Variants in MYO1G observed in about 807,000 individuals in gnomAD.
The protein encoded by MYO1G is unconventional myosin-Ig.
MYO1G carries 65 observed loss-of-function variants against 115.3 expected under a neutral mutation model. The observed-to-expected ratio is 0.56, with a 90% CI of 0.46 to 0.69. MYO1G has a LOEUF of 0.69. Ranked by LOEUF, MYO1G falls within the 30% of genes least tolerant of loss-of-function variation. MYO1G has a pLI of 0.00. For synonymous variants in MYO1G, 510 were observed against 552.6 expected (o/e 0.92, Z 1.08); for missense variants, 1,204 against 1,393.5 (o/e 0.86, Z 2.16).
Position 44,970,671 on chromosome 7 carries a change from G to C in MYO1G, c.1138C>G (p.Arg380Gly), listed in dbSNP as rs200247779. The part of the protein sequence containing the change: ...RINSVMEPRG[R>G]DPRRDGKDTV... The stretch of plus-strand genomic sequence containing the variant: ...TCCTTGCCATCACGCCGAGGATCCC[G>C]GCCCCGGGGTTCCATGACACTGTTG... The change falls in exon 9 of 22, where the codon CGG becomes GGG. Residue 380 changes from arginine to glycine, a missense_variant. Transcript: ENST00000258787. 4.5e-5 allele frequency: 73 copies of C among 1,613,850 alleles called. No homozygotes were observed. Among genetic ancestry groups the C allele is most frequent in the Non-Finnish European group, 5.9e-5 (70 of 1,180,046 alleles).
chr7:44,977,668 T>G (rs1795082263), intron 1 of MYO1G, among the ~76,000 whole-genome samples: 1 of 152,052 alleles, frequency 6.6e-6, no homozygotes, highest in African/African-American at 2.4e-5. Context: ...TTCTTGACCC[T>G]TTCCTTCACA....
rs749976915 is a variant in MYO1G, at chr7:44,970,917, G to C, written c.989C>G (p.Thr330Arg). 2.0e-5 allele frequency: 33 copies of C among 1,613,396 alleles called. No individual in the cohort carries two copies. In the South Asian group the frequency reaches 3.5e-4, roughly 17 times the overall value. The change falls in exon 8 of 22, where the codon ACA becomes AGA. Residue 330 changes from threonine to arginine, a missense_variant. Physicochemically the swap from Thr to Arg is moderately conservative, Grantham distance 71. Coordinates refer to ENST00000258787, the MANE Select transcript of MYO1G (RefSeq NM_033054.3). ...DLVLRSLLAR[T>R]VASGGRELIE... ...GAGTTCCCTGCCTCCCGAGGCAACT[G>C]TGCGAGCCAGCAGGGAGCGGAGCAC...
intron 3 of MYO1G, 148 bp from the exon 4 acceptor site, chr7:44,975,797 G>A (rs533610250): frequency 4.3e-5 from 36 of 842,934 alleles, no homozygotes; most frequent in East Asian, 2.2e-4. Context: ...GCCTGGCCTC[G>A]CCCAGTGTTG....
chr7:44,975,062 TG>T, intron 5 of MYO1G, 111 bp downstream of exon 5: 1 of 1,121,802 alleles, frequency 8.9e-7, no homozygotes, highest in Non-Finnish European at 1.4e-6. Context: ...TGGGGTTGAG[TG>T]GGCAGAGAGG....
At position 44,964,819 on chromosome 7, in the gene MYO1G, G is replaced by T; in HGVS notation, c.2526+126C>A. 2.2e-6 allele frequency: 3 copies of T among 1,383,580 alleles called. No individual in the cohort carries two copies. Among genetic ancestry groups the T allele is most frequent in the Non-Finnish European group, 2.0e-6 (2 of 1,015,442 alleles). 85.7% of individuals were successfully genotyped at this position (1,383,580 alleles called of 1,614,324 possible). ...GCTCTGGTGGGGGCTGAGGTACAGG[G>T]CCACCAGGACAGACAACCCCAGGCC... On this transcript the variant is annotated intron_variant, in intron 18 of 21. Transcript: ENST00000258787. The surrounding 1 kb of genome is among the most constrained non-coding windows in gnomAD (Gnocchi z 5.1).
chr7:44,965,737 C>G lies in MYO1G; in HGVS notation c.2281G>C (p.Ala761Pro). ...CCGTAGAGTGGCGGCTGCCTTGCAG[C>G]CTGGAATCGCCGCTGCAGCTCAGCC... ...HLAELQRRFQ[A>P]ARQPPLYGRD... Residue 761 changes from alanine (A) to proline (P), a missense_variant, in exon 17 of 22, where the codon GCT becomes CCT. Physicochemically the swap from Ala to Pro is conservative, Grantham distance 27. Transcript: ENST00000258787. 6.2e-7 allele frequency: 1 copy of G among 1,610,698 alleles called. No individual in the cohort carries two copies. Among genetic ancestry groups the G allele is most frequent in the South Asian group, 1.1e-5 (1 of 91,028 alleles).
Position 44,962,717 on chromosome 7 carries a change from G to C in MYO1G, c.*22C>G, listed in dbSNP as rs904389359. The stretch of plus-strand genomic sequence containing the variant: ...GGCGGGGCGGACAATTGGCGGCCTC[G>C]GGGTGCGGCGGGTGCGGGCGCTCAG... On this transcript the variant is annotated 3_prime_UTR_variant, in exon 22 of 22. Coordinates refer to ENST00000258787, the MANE Select transcript of MYO1G (RefSeq NM_033054.3). The surrounding 1 kb of genome is among the most constrained non-coding windows in gnomAD (Gnocchi z 5.3). 3 of 1,451,752 alleles carry C rather than the reference G, an allele frequency of 2.1e-6. No individual in the cohort carries two copies. Among genetic ancestry groups the C allele is most frequent in the South Asian group, 1.4e-5 (1 of 70,354 alleles). The allele number at this position is 1,451,752 out of a possible 1,614,324, so 89.9% of individuals were successfully genotyped here.
At chr7:44,965,216 G>A (rs1028625452) in intron 17 of MYO1G, 127 bp from the exon 18 acceptor site, 50 of 1,354,986 alleles carry the variant, frequency 3.7e-5, no homozygotes, top group East Asian at 7.2e-5. Context: ...AACCTCTGCC[G>A]GCCTCTCTGG....
intron 3 of MYO1G, among the ~76,000 whole-genome samples, chr7:44,976,340 A>G (rs1190527248): frequency 1.3e-5 from 2 of 152,098 alleles, no homozygotes; most frequent in African/African-American, 4.8e-5. Flanking sequence ...TAGGCCCAGT[A>G]CCTTGGCTAG....
rs752061729 is a variant in MYO1G, at chr7:44,966,491, C to T, written c.1949+181G>A. ...TACCCATGTTCCCACCTGTATGTCC[C>T]CACATGCATGTGCTCACACACATGT... On this transcript the variant is annotated intron_variant, in intron 15 of 21. Transcript: ENST00000258787. This position sits in a 1 kb window ranked among gnomAD's most constrained non-coding sequence, Gnocchi z 5.0. 4.7e-6 allele frequency: 4 copies of T among 855,134 alleles called. No individual in the cohort carries two copies. The highest frequency in any genetic ancestry group is 5.7e-6 in the Non-Finnish European group (3 of 523,316). The allele number at this position is 855,134 out of a possible 1,614,324, so 53.0% of individuals were successfully genotyped here. A position where few individuals can be genotyped will look rare whatever the true frequency, so the allele number is the denominator to read the frequency against.
intron 3 of MYO1G, 125 bp from the exon 4 acceptor site, chr7:44,975,774 G>C: frequency 8.8e-7 from 1 of 1,137,280 alleles, no homozygotes; most frequent in Non-Finnish European, 1.2e-6. Flanking sequence ...AACTTGCTGA[G>C]AGGGAACCAA....
Position 44,969,293 on chromosome 7 carries a change from G to A in MYO1G, c.1574+120C>T. 1.2e-6 allele frequency: 1 copy of A among 848,510 alleles called. No individual in the cohort carries two copies. The highest frequency in any genetic ancestry group is 2.0e-6 in the Non-Finnish European group (1 of 492,218). The allele number at this position is 848,510 out of a possible 1,614,324, so 52.6% of individuals were successfully genotyped here. On this transcript the variant is annotated intron_variant, in intron 12 of 21. Transcript: ENST00000258787. This position sits in a 1 kb window ranked among gnomAD's most constrained non-coding sequence, Gnocchi z 5.0. ...TGTTTCAGTGTCTTAAAGGGGTGGG[G>A]GTGGCAGAAGTGGCCATAACACCTG...
chr7:44,963,019 C>G lies in MYO1G; in HGVS notation c.2851G>C (p.Asp951His). 1 of 1,532,558 alleles carries G rather than the reference C, an allele frequency of 6.5e-7. No individual in the cohort carries two copies. Among genetic ancestry groups the G allele is most frequent in the Non-Finnish European group, 8.7e-7 (1 of 1,144,146 alleles). 94.9% of individuals were successfully genotyped at this position (1,532,558 alleles called of 1,614,324 possible). Residue 951 changes from aspartate (D) to histidine (H), a missense_variant, in exon 21 of 22, where the codon GAC becomes CAC. Coordinates refer to ENST00000258787, the MANE Select transcript of MYO1G (RefSeq NM_033054.3). The surrounding 1 kb of genome is among the most constrained non-coding windows in gnomAD (Gnocchi z 4.1). Reference sequence around the variant, plus strand: ...CCCACCAGCTCCCCAACGCGGTTGTCCAATGGCGGCCGGGAGCGGTGCAGG... The same window carrying G: ...CCCACCAGCTCCCCAACGCGGTTGTGCAATGGCGGCCGGGAGCGGTGCAGG... ...VCLHRSRPPL[D>H]NRVGELVGVL...
At position 44,975,627 on chromosome 7, in the gene MYO1G, A is replaced by C; in HGVS notation, c.421T>G (p.Ser141Ala). Reference sequence around the variant, plus strand: ...CCAAAGGCCTCCAGCACACAGGTGGACTTGAGCAGCACGTCCTTGACCCTG... The same window carrying C: ...CCAAAGGCCTCCAGCACACAGGTGGCCTTGAGCAGCACGTCCTTGACCCTG... Reference protein sequence around the residue: ...VERVKDVLLKSTCVLEAFGNA... With the variant: ...VERVKDVLLKATCVLEAFGNA... Residue 141 changes from serine to alanine, a missense_variant, in exon 4 of 22, where the codon TCC becomes GCC. By Grantham distance (99) the Ser-to-Ala change is moderately conservative. Coordinates refer to ENST00000258787, the MANE Select transcript of MYO1G (RefSeq NM_033054.3). The C allele has an allele frequency of 6.2e-7, 1 of 1,612,862 alleles. No individual in the cohort carries two copies. The highest frequency in any genetic ancestry group is 8.5e-7 in the Non-Finnish European group (1 of 1,179,200).
intron 4 of MYO1G, 58 bp downstream of exon 4, chr7:44,975,426 C>A: frequency 6.4e-7 from 1 of 1,573,870 alleles, no homozygotes; most frequent in South Asian, 1.2e-5. Context: ...CCTTCCCAGG[C>A]CTGGGATGGG....
In MYO1G at chr7:44,971,808, A is replaced by T; in HGVS notation, c.730-19T>A. 1 of 1,533,424 alleles carries T rather than the reference A, an allele frequency of 6.5e-7. No individual in the cohort carries two copies. 95.0% of individuals were successfully genotyped at this position (1,533,424 alleles called of 1,614,324 possible). A position where few individuals can be genotyped will look rare whatever the true frequency, so the allele number is the denominator to read the frequency against. On this transcript the variant is annotated intron_variant, in intron 6 of 21. Transcript: ENST00000258787. Reference sequence around the variant, plus strand: ...CCAAGGCCTAGGGTAGAAGGGATTCATCACTCCAAAGCCACACTGGGCCCA... The same window carrying T: ...CCAAGGCCTAGGGTAGAAGGGATTCTTCACTCCAAAGCCACACTGGGCCCA...
Position 44,970,107 on chromosome 7 carries a change from A to T in MYO1G, c.1265T>A (p.Leu422Gln). 1 of 1,613,998 alleles carries T rather than the reference A, an allele frequency of 6.2e-7. No individual in the cohort carries two copies. The highest frequency in any genetic ancestry group is 8.5e-7 in the Non-Finnish European group (1 of 1,179,990). The change falls in exon 10 of 22, where the codon CTA (leucine) becomes CAA (glutamine). Residue 422 changes from leucine to glutamine, a missense_variant. Coordinates refer to ENST00000258787, the MANE Select transcript of MYO1G (RefSeq NM_033054.3). ...INYCNEKLQQ[L>Q]FIQLILKQEQ... The stretch of plus-strand genomic sequence containing the variant: ...CTGCTTCAGGATGAGCTGGATGAAT[A>T]GCTGCTGCAGCTTCTCGTTGCAGTA...
chr7:44,970,483 G>T (rs556272504), intron 9 of MYO1G, 109 bp downstream of exon 9: 1,184 of 1,454,304 alleles, frequency 8.1e-4, no homozygotes, highest in Admixed American at 1.8e-3. Flanking sequence ...GGGACCAGCC[G>T]GGAGAAACCC....
Position 44,966,665 on chromosome 7 carries a change from C to A in MYO1G, c.1949+7G>T. 6.2e-7 allele frequency: 1 copy of A among 1,613,008 alleles called. No homozygotes were observed. Among genetic ancestry groups the A allele is most frequent in the Non-Finnish European group, 8.5e-7 (1 of 1,179,978 alleles). On this transcript the variant is annotated splice_region_variant and intron_variant, in intron 15 of 21. Coordinates refer to ENST00000258787, the MANE Select transcript of MYO1G (RefSeq NM_033054.3). This position sits in a 1 kb window ranked among gnomAD's most constrained non-coding sequence, Gnocchi z 5.0. ...CCCATGGAGTGATGGGTGTCAGGTG[C>A]CAGTACCTGAGCAGGAATCGAGAGT...
Sources: allele counts gnomAD v4.1 joint callset (sites outside exome capture counted in the v4.1 genomes callset), GRCh38; gene constraint gnomAD v4.1.1; non-coding constraint Gnocchi (gnomAD v3.1); transcripts MANE v1.5; gene names NCBI Gene and HGNC (gene_info 2026-07-23, HGNC 2026-07-21).